The following ZNF385B variants were observed in gnomAD, a reference collection of about 807,000 sequenced individuals.
ZNF385B encodes the protein zinc finger protein 385B.
In ZNF385B, 23 loss-of-function variants were observed where a neutral mutation model predicts 39.2. The ratio of observed to expected loss-of-function variants is 0.59; its 90% CI spans 0.42 to 0.83. ZNF385B has a LOEUF of 0.83. ZNF385B is among the 40% of genes least tolerant of loss of function. The pLI, the probability that ZNF385B is intolerant of heterozygous loss-of-function variation, is 0.00. For synonymous variants in ZNF385B, 205 were observed against 222.6 expected (o/e 0.92, Z 0.70); for missense variants, 552 against 598.9 (o/e 0.92, Z 0.82).
At chr2:179,627,374 T>C (rs115952787) in intron 3 of ZNF385B, among the ~76,000 whole-genome samples, 240 of 152,256 alleles carry the variant, frequency 1.6e-3, no homozygotes, top group African/African-American at 5.4e-3. Flanking sequence ...GGAACCATAC[T>C]AGGTCCATAA....
chr2:179,814,703 T>C (rs952722646), intron 1 of ZNF385B: 9 of 257,070 alleles, frequency 3.5e-5, no homozygotes, highest in Non-Finnish European at 5.5e-5. Flanking sequence ...TGGATAAATG[T>C]TGTGGAGGCC....
At chr2:179,454,341 T>A (rs2050459847) in intron 6 of ZNF385B, among the ~76,000 whole-genome samples, 1 of 152,206 alleles carries the variant, frequency 6.6e-6, no homozygotes, top group African/African-American at 2.4e-5. Context: ...TTATGGTGAT[T>A]CTGGTGTGAA....
At chr2:179,571,142 T>G (rs143509287) in intron 3 of ZNF385B, among the ~76,000 whole-genome samples, 2 of 152,298 alleles carry the variant, frequency 1.3e-5, no homozygotes, top group East Asian at 3.9e-4. Flanking sequence ...CAAGTTCAAG[T>G]TCAGTGTACA....
At chr2:179,753,235 G>C (rs2106472850) in intron 3 of ZNF385B, among the ~76,000 whole-genome samples, 1 of 152,292 alleles carries the variant, frequency 6.6e-6, no homozygotes, top group South Asian at 2.1e-4. Flanking sequence ...TCAAAGATCA[G>C]ATAGTTGTAA....
chr2:179,445,142 A>G (rs950038792), intron 8 of ZNF385B, among the ~76,000 whole-genome samples, 165 bp from the exon 9 acceptor site: 2 of 152,132 alleles, frequency 1.3e-5, no homozygotes, highest in Admixed American at 6.5e-5. Context: ...TCCTCCCTCA[A>G]TTGTAATGCC....
At chr2:179,457,673 T>C (rs2050850763) in intron 6 of ZNF385B, among the ~76,000 whole-genome samples, 1 of 152,138 alleles carries the variant, frequency 6.6e-6, no homozygotes, top group Admixed American at 6.6e-5. Context: ...TGGCCAATTG[T>C]ATATTTTGTG....
At chr2:179,651,461 T>C (rs1012482268) in intron 3 of ZNF385B, among the ~76,000 whole-genome samples, 1 of 152,132 alleles carries the variant, frequency 6.6e-6, no homozygotes, top group Non-Finnish European at 1.5e-5. Context: ...TTAAAGGTCC[T>C]TCACTGGAAA....
intron 3 of ZNF385B, among the ~76,000 whole-genome samples, chr2:179,760,175 G>A (rs533366415): frequency 6.6e-6 from 1 of 150,900 alleles, no homozygotes; most frequent in African/African-American, 2.4e-5. Flanking sequence ...TTGATCTGAT[G>A]TACAAAGCTT....
At chr2:179,830,255 G>C (rs1183398355) in intron 1 of ZNF385B, among the ~76,000 whole-genome samples, 1 of 152,218 alleles carries the variant, frequency 6.6e-6, no homozygotes, top group Non-Finnish European at 1.5e-5. Context: ...TGGAGAAACA[G>C]ATACTCTCAT....
intron 3 of ZNF385B, among the ~76,000 whole-genome samples, chr2:179,677,945 A>G (rs1697070732): frequency 6.6e-6 from 1 of 152,218 alleles, no homozygotes; most frequent in Non-Finnish European, 1.5e-5. Context: ...CTGAGCAGAT[A>G]CATACCACAG....
chr2:179,462,728 G>A (rs543054311), intron 6 of ZNF385B, among the ~76,000 whole-genome samples: 3 of 152,290 alleles, frequency 2.0e-5, no homozygotes, highest in Non-Finnish European at 4.4e-5. Context: ...GTATTCATTT[G>A]TAGTGTAATG....
At chr2:179,632,008 T>C (rs1257952704) in intron 3 of ZNF385B, among the ~76,000 whole-genome samples, 3 of 152,048 alleles carry the variant, frequency 2.0e-5, no homozygotes, top group East Asian at 3.9e-4. Context: ...CCTAAATATA[T>C]ATGCACCCAT....
At chr2:179,814,667 A>G in intron 1 of ZNF385B, 1 of 390,302 alleles carries the variant, frequency 2.6e-6, no homozygotes, top group South Asian at 2.4e-5. Flanking sequence ...CACCAAGTCC[A>G]GATACTGAAG....
chr2:179,633,239 A>C (rs550633764), intron 3 of ZNF385B, among the ~76,000 whole-genome samples: 1 of 152,302 alleles, frequency 6.6e-6, no homozygotes, highest in East Asian at 1.9e-4. Context: ...AGTCTGGCAG[A>C]GACACACCAA....
At chr2:179,630,652 A>T (rs905807498) in intron 3 of ZNF385B, among the ~76,000 whole-genome samples, 1 of 152,218 alleles carries the variant, frequency 6.6e-6, no homozygotes, top group African/African-American at 2.4e-5. Flanking sequence ...CAATGGAACA[A>T]AGCTGGACAG....
At chr2:179,534,976 G>A (rs2059470728) in intron 4 of ZNF385B, among the ~76,000 whole-genome samples, 1 of 152,120 alleles carries the variant, frequency 6.6e-6, no homozygotes, top group Admixed American at 6.5e-5. Flanking sequence ...AATCATTTTA[G>A]CATCTAACAG....
At chr2:179,601,434 T>G (rs1484972129) in intron 3 of ZNF385B, among the ~76,000 whole-genome samples, 2 of 152,096 alleles carry the variant, frequency 1.3e-5, no homozygotes, top group Non-Finnish European at 2.9e-5. Flanking sequence ...AGAGTAAACA[T>G]TTTTTTCTGA....
chr2:179,568,314 T>G (rs1347299742), intron 3 of ZNF385B, among the ~76,000 whole-genome samples: 1 of 152,222 alleles, frequency 6.6e-6, no homozygotes, highest in Non-Finnish European at 1.5e-5. Context: ...GGCACTTACT[T>G]GTCTCTAAAA....
chr2:179,611,185 T>C (rs67053349), intron 3 of ZNF385B, among the ~76,000 whole-genome samples: 27,781 of 152,186 alleles, frequency 0.18, 3,184 homozygotes, highest in South Asian at 0.29. Flanking sequence ...GTCTGTCATA[T>C]ATGGCTTTTA....
Sources: allele counts gnomAD v4.1 joint callset (sites outside exome capture counted in the v4.1 genomes callset), GRCh38; gene constraint gnomAD v4.1.1; transcripts MANE v1.5; gene names NCBI Gene and HGNC (gene_info 2026-07-23, HGNC 2026-07-21).